The following ALK variants were observed in gnomAD, a reference collection of about 807,000 sequenced individuals.
The protein encoded by ALK is ALK tyrosine kinase receptor.
A neutral mutation model predicts 163.1 loss-of-function variants in ALK; 74 were observed. The ratio of observed to expected loss-of-function variants is 0.45; its 90% CI spans 0.38 to 0.55. The LOEUF (loss-of-function observed/expected upper bound fraction) is 0.55. ALK is among the 20% of genes least tolerant of loss of function. ALK has a pLI of 0.00. For synonymous variants in ALK, 960 were observed against 843.2 expected, an observed-to-expected ratio of 1.14 and a Z score of -2.40; for missense variants, 2,063 against 2,105.3, an observed-to-expected ratio of 0.98 and a Z score of 0.39.
At chr2:29,796,905 G>T (rs757027434) in intron 1 of ALK, among the ~76,000 whole-genome samples, 1 of 151,584 alleles carries the variant, frequency 6.6e-6, no homozygotes, top group Middle Eastern at 3.4e-3. Flanking sequence ...ACAAGGTCAT[G>T]ATGCTCACAA....
At chr2:29,738,207 G>A (rs1679948073) in intron 1 of ALK, among the ~76,000 whole-genome samples, 1 of 151,898 alleles carries the variant, frequency 6.6e-6, no homozygotes, top group Non-Finnish European at 1.5e-5. Context: ...GCTGCACCTA[G>A]TTACACAAAA....
chr2:29,815,738 G>A (rs545709069), intron 1 of ALK, among the ~76,000 whole-genome samples: 19 of 152,228 alleles, frequency 1.2e-4, no homozygotes, highest in Admixed American at 4.6e-4. Context: ...ATGCCTCCTC[G>A]TACCTCCTGT....
intron 3 of ALK, among the ~76,000 whole-genome samples, chr2:29,642,923 G>A (rs1676746015): frequency 6.6e-6 from 1 of 152,138 alleles, no homozygotes; most frequent in South Asian, 2.1e-4. Context: ...CACCTACATA[G>A]TTTGGTACCC....
intron 3 of ALK, among the ~76,000 whole-genome samples, chr2:29,554,063 T>C (rs1673781691): frequency 6.6e-6 from 1 of 152,234 alleles, no homozygotes; most frequent in Non-Finnish European, 1.5e-5. Flanking sequence ...AAATCTTATA[T>C]ATGAAGTTTA....
intron 1 of ALK, among the ~76,000 whole-genome samples, chr2:29,827,976 T>C (rs909804668): frequency 6.6e-6 from 1 of 152,086 alleles, no homozygotes; most frequent in African/African-American, 2.4e-5. Flanking sequence ...GAGATATAGA[T>C]CAATGGAACA....
At chr2:29,848,989 C>CTAG (rs1287397477) in intron 1 of ALK, among the ~76,000 whole-genome samples, 17 of 152,086 alleles carry the variant, frequency 1.1e-4, no homozygotes, top group African/African-American at 4.1e-4. Flanking sequence ...CCAGAGACAC[C>CTAG]TCTCCCCTCC....
Position 29,560,914 on chromosome 2 carries a change from T to A in ALK, c.953-28798A>T, listed in dbSNP as rs966148095. Among the ~76,000 whole-genome samples, 10 of 152,040 alleles carry A rather than the reference T, an allele frequency of 6.6e-5. No individual in the cohort carries two copies. The East Asian group carries it at 1.2e-3, about 18-fold the overall frequency. Reference sequence around the variant, plus strand: ...CTAAAAATTATTGATTTTTTTTTTTTACCTAAAACAAGTAAATTTTATAGT... The same window carrying A: ...CTAAAAATTATTGATTTTTTTTTTTAACCTAAAACAAGTAAATTTTATAGT... On this transcript the variant is annotated intron_variant, in intron 3 of 28. Transcript: ENST00000389048.
intron 1 of ALK, among the ~76,000 whole-genome samples, chr2:29,866,656 A>G (rs1199469620): frequency 2.0e-5 from 3 of 152,230 alleles, no homozygotes; most frequent in African/African-American, 7.2e-5. Context: ...AGAGACTGGC[A>G]GTGACTGATG....
intron 1 of ALK, among the ~76,000 whole-genome samples, chr2:29,888,246 G>GTT (rs371816657): frequency 6.3e-5 from 2 of 31,590 alleles, no homozygotes; most frequent in African/African-American, 1.2e-4. Context: ...CCAATAAATT[G>GTT]TTTTTTTTTT....
chr2:29,389,313 G>T (rs1209308158), intron 4 of ALK, among the ~76,000 whole-genome samples: 1 of 152,208 alleles, frequency 6.6e-6, no homozygotes, highest in East Asian at 1.9e-4. Context: ...TCTCCAAATG[G>T]ATGGTCAGGA....
At chr2:29,877,041 A>G (rs947015156) in intron 1 of ALK, among the ~76,000 whole-genome samples, 1 of 152,234 alleles carries the variant, frequency 6.6e-6, no homozygotes, top group Non-Finnish European at 1.5e-5. Flanking sequence ...AAGAGAGCTT[A>G]GAGCTAATCC....
intron 3 of ALK, among the ~76,000 whole-genome samples, chr2:29,549,754 G>T (rs1673666298): frequency 1.3e-5 from 2 of 152,096 alleles, no homozygotes; most frequent in African/African-American, 2.4e-5. Flanking sequence ...GGATTTCAAA[G>T]ATTTAGTACA....
chr2:29,841,656 C>G (rs1475560805), intron 1 of ALK, among the ~76,000 whole-genome samples: 2 of 152,124 alleles, frequency 1.3e-5, no homozygotes, highest in Non-Finnish European at 2.9e-5. Flanking sequence ...TTACAATGAA[C>G]AAGAGCCTTA....
chr2:29,313,444 G>C (rs1666746381), intron 8 of ALK, among the ~76,000 whole-genome samples: 1 of 152,118 alleles, frequency 6.6e-6, no homozygotes, highest in African/African-American at 2.4e-5. Flanking sequence ...GTGGAGAGAC[G>C]AAGGGGAGAA....
chr2:29,704,065 T>C (rs1049535571), intron 2 of ALK, among the ~76,000 whole-genome samples: 1 of 152,060 alleles, frequency 6.6e-6, no homozygotes, highest in African/African-American at 2.4e-5. Context: ...CATAGGAAAA[T>C]GCCAATGTAT....
intron 5 of ALK, among the ~76,000 whole-genome samples, chr2:29,347,997 G>A (rs1221560295): frequency 6.6e-6 from 1 of 152,142 alleles, no homozygotes. Flanking sequence ...CTGCCATGAG[G>A]GTTTTGCTGC....
intron 26 of ALK, among the ~76,000 whole-genome samples, chr2:29,203,125 C>T (rs1046013131): frequency 5.3e-5 from 8 of 152,080 alleles, no homozygotes; most frequent in Non-Finnish European, 1.2e-4. Context: ...GCCGAGGATT[C>T]GCAGTTCCCA....
intron 7 of ALK, 119 bp downstream of exon 7, chr2:29,320,632 G>GC: frequency 7.0e-7 from 1 of 1,428,856 alleles, no homozygotes; most frequent in East Asian, 2.3e-5. Context: ...CTCTAGGCAA[G>GC]CTTTGGTCAG....
At chr2:29,472,164 T>C (rs779181946) in intron 4 of ALK, among the ~76,000 whole-genome samples, 4 of 152,202 alleles carry the variant, frequency 2.6e-5, no homozygotes, top group Admixed American at 6.5e-5. Context: ...GGAGAGACTA[T>C]ATGAGAGGCC....
Sources: gnomAD v4.1 joint callset for allele counts (sites outside exome capture counted in the v4.1 genomes callset) on GRCh38, gnomAD v4.1.1 for gene constraint, MANE v1.5 for transcripts, NCBI Gene and HGNC (gene_info 2026-07-23, HGNC 2026-07-21) for gene names.